The following SCG5 variants were observed in gnomAD, a reference collection of about 807,000 sequenced individuals.
SCG5 encodes the protein secretogranin V.
In SCG5, 18 loss-of-function variants were observed where a neutral mutation model predicts 25.7. The ratio of observed to expected loss-of-function variants is 0.70; its 90% CI spans 0.48 to 1.04. The LOEUF is 1.04. Ranked by LOEUF, SCG5 falls within the 50% of genes least tolerant of loss-of-function variation. The probability of loss-of-function intolerance (pLI) is 0.00; values close to 1 mark genes in which losing one functional copy is unlikely to be tolerated. For missense variants in SCG5, 206 were observed against 259.8 expected, an observed-to-expected ratio of 0.79 and a Z score of 1.42; for synonymous variants, 101 against 91.7, an observed-to-expected ratio of 1.10 and a Z score of -0.58.
chr15:32,666,863 G>A (rs1386266916), intron 2 of SCG5, among the ~76,000 whole-genome samples: 1 of 152,180 alleles, frequency 6.6e-6, no homozygotes, highest in Non-Finnish European at 1.5e-5. Flanking sequence ...TGGATTGCAG[G>A]CTGCACTTTT....
chr15:32,658,914 T>C (rs1389091899), intron 2 of SCG5, among the ~76,000 whole-genome samples: 1 of 152,166 alleles, frequency 6.6e-6, no homozygotes, highest in Non-Finnish European at 1.5e-5. Context: ...TGGTGGCTTA[T>C]GCCCGTAATC....
chr15:32,659,264 C>T (rs1052979089), intron 2 of SCG5, among the ~76,000 whole-genome samples: 3 of 152,128 alleles, frequency 2.0e-5, no homozygotes, highest in Non-Finnish European at 2.9e-5. Context: ...CAGCATGTGC[C>T]GGATCATCTG....
At position 32,696,884 on chromosome 15, in the gene SCG5, A is replaced by G. The variant is rs1318818499; in HGVS notation, c.*275A>G. On this transcript the variant is annotated 3_prime_UTR_variant, in exon 6 of 6. Transcript: ENST00000300175. ...GTGAATGTCAACAATAAAAAGCAAGACTATGAAAGGCTCAGATTTCTTGCA... is the reference window on the plus strand; with the variant it reads ...GTGAATGTCAACAATAAAAAGCAAGGCTATGAAAGGCTCAGATTTCTTGCA... 2 of 312,430 alleles carry G rather than the reference A, an allele frequency of 6.4e-6. No homozygotes were observed. The highest frequency in any genetic ancestry group is 1.2e-5 in the Non-Finnish European group (2 of 167,184). 19.4% of individuals were successfully genotyped at this position (312,430 alleles called of 1,614,324 possible).
Position 32,696,728 on chromosome 15 carries a change from CA to C in SCG5, c.*122del. The C allele has an allele frequency of 1.5e-6, 1 of 660,506 alleles. No individual in the cohort carries two copies. The highest frequency in any genetic ancestry group is 2.7e-6 in the Non-Finnish European group (1 of 364,242). The allele number at this position is 660,506 out of a possible 1,614,324, so 40.9% of individuals were successfully genotyped here. A position where few individuals can be genotyped will look rare whatever the true frequency, so the allele number is the denominator to read the frequency against. On this transcript the variant is annotated 3_prime_UTR_variant, in exon 6 of 6. Coordinates refer to ENST00000300175, the MANE Select transcript of SCG5 (RefSeq NM_001144757.3). Reference sequence around the variant, plus strand: ...TTTCTTACATAGATAATTATGGATACAAAGCAGCTGTATGTAGATAGTGTAT... The same window carrying C: ...TTTCTTACATAGATAATTATGGATACAAGCAGCTGTATGTAGATAGTGTAT...
At chr15:32,659,737 T>A (rs1466512221) in intron 2 of SCG5, among the ~76,000 whole-genome samples, 1 of 152,118 alleles carries the variant, frequency 6.6e-6, no homozygotes, top group Non-Finnish European at 1.5e-5. Flanking sequence ...TTGGACAAGA[T>A]GTGAGTGACT....
Position 32,691,763 on chromosome 15 carries a change from G to A in SCG5, c.543G>A (p.Arg181=). The A allele has an allele frequency of 6.2e-7, 1 of 1,612,480 alleles. No individual in the cohort carries two copies. The highest frequency in any genetic ancestry group is 8.5e-7 in the Non-Finnish European group (1 of 1,179,334). ...KMKGGERRKR[R]SVNPYLQGQR... ...AGGGAGGAGAGAGACGAAAGCGGAG[G>A]GTAACACGTGCCTGGCTGGATTGTT... Residue 181 remains arginine (R), a splice_region_variant and synonymous_variant, in exon 5 of 6, where the codon AGG becomes AGA. Coordinates refer to ENST00000300175, the MANE Select transcript of SCG5 (RefSeq NM_001144757.3).
At chr15:32,642,905 A>C (rs1408720713) in intron 1 of SCG5, among the ~76,000 whole-genome samples, 1 of 152,124 alleles carries the variant, frequency 6.6e-6, no homozygotes, top group Non-Finnish European at 1.5e-5. Flanking sequence ...ACAACCCTAA[A>C]AGGTAAATGC....
chr15:32,676,734 A>G (rs994682190), intron 2 of SCG5, among the ~76,000 whole-genome samples: 3 of 152,258 alleles, frequency 2.0e-5, no homozygotes, highest in African/African-American at 7.2e-5. Context: ...TTAAACACAA[A>G]TCAACAGAGT....
intron 2 of SCG5, among the ~76,000 whole-genome samples, chr15:32,660,713 AC>A (rs1363901173): frequency 1.3e-5 from 2 of 152,202 alleles, no homozygotes; most frequent in African/African-American, 4.8e-5. Flanking sequence ...AGCCCTTCTG[AC>A]TGCAGGGCAG....
chr15:32,655,146 A>G (rs2140512750), intron 2 of SCG5, among the ~76,000 whole-genome samples: 1 of 152,248 alleles, frequency 6.6e-6, no homozygotes, highest in South Asian at 2.1e-4. Flanking sequence ...GTCTCTACTA[A>G]CAATACAAAA....
chr15:32,687,177 T>G (rs1227773371), intron 4 of SCG5, among the ~76,000 whole-genome samples: 2 of 152,200 alleles, frequency 1.3e-5, no homozygotes, highest in Non-Finnish European at 2.9e-5. Flanking sequence ...TCTTCATCTC[T>G]TCTTGAAAAT....
chr15:32,667,683 T>TA (rs377718128), intron 2 of SCG5, among the ~76,000 whole-genome samples: 218 of 151,558 alleles, frequency 1.4e-3, no homozygotes, highest in African/African-American at 4.7e-3. Flanking sequence ...TATTCTTTTT[T>TA]TTTTTTTGAG....
intron 4 of SCG5, among the ~76,000 whole-genome samples, chr15:32,690,818 T>C (rs1399951132): frequency 1.3e-5 from 2 of 151,876 alleles, no homozygotes; most frequent in Non-Finnish European, 2.9e-5. Context: ...TTTTTTTTTT[T>C]CTTAATGTCA....
intron 3 of SCG5, among the ~76,000 whole-genome samples, chr15:32,684,251 C>T (rs1305991276): frequency 6.6e-6 from 1 of 152,148 alleles, no homozygotes; most frequent in East Asian, 1.9e-4. Flanking sequence ...TTCTGTTGGC[C>T]TCCACTCAGG....
intron 2 of SCG5, among the ~76,000 whole-genome samples, chr15:32,647,263 A>G (rs538196947): frequency 7.2e-5 from 11 of 152,330 alleles, no homozygotes; most frequent in African/African-American, 1.7e-4. Flanking sequence ...CATCATCATC[A>G]TCACTTTAGA....
At chr15:32,652,843 G>A (rs554852339) in intron 2 of SCG5, among the ~76,000 whole-genome samples, 1 of 151,988 alleles carries the variant, frequency 6.6e-6, no homozygotes, top group Non-Finnish European at 1.5e-5. Flanking sequence ...ATAACTATTA[G>A]TTATTTACTA....
In SCG5 at chr15:32,658,959, G is replaced by A. The variant is rs1319543213; in HGVS notation, c.226+15141G>A. 3.9e-5 allele frequency among the ~76,000 whole-genome samples: 6 copies of A among 152,124 alleles called. No individual in the cohort carries two copies. The East Asian group carries it at 7.7e-4, about 20-fold the overall frequency. On this transcript the variant is annotated intron_variant, in intron 2 of 5. Transcript: ENST00000300175. Reference sequence around the variant, plus strand: ...TGGGAGGCCGAGGCGGGTGGATCCCGAGGTCAGGAGATTGAGACCATCCTG... The same window carrying A: ...TGGGAGGCCGAGGCGGGTGGATCCCAAGGTCAGGAGATTGAGACCATCCTG...
At chr15:32,693,602 CTA>C (rs1344682614) in intron 5 of SCG5, among the ~76,000 whole-genome samples, 3 of 152,306 alleles carry the variant, frequency 2.0e-5, no homozygotes, top group African/African-American at 7.2e-5. Context: ...TATAAAGAAA[CTA>C]TACGCTTTCT....
Position 32,663,032 on chromosome 15 carries a change from AATATATATATATATATATATATATAT to A in SCG5, c.227-16712_227-16687del, listed in dbSNP as rs67571496. ...AAGATTAGGGCTGTTAAAAAAAAAGAATATATATATATATATATATATATATATATATATATATATATATATAATAT... is the reference window on the plus strand; with the variant it reads ...AAGATTAGGGCTGTTAAAAAAAAAGAATATATATATATATATATATAATAT... On this transcript the variant is annotated intron_variant, in intron 2 of 5. Coordinates refer to ENST00000300175, the MANE Select transcript of SCG5 (RefSeq NM_001144757.3). Among the ~76,000 whole-genome samples, 29 of 79,294 alleles carry A rather than the reference AATATATATATATATATATATATATAT, an allele frequency of 3.7e-4. 2 individuals carry two copies. Among genetic ancestry groups the A allele is most frequent in the African/African-American group, 7.7e-4 (19 of 24,802 alleles). 52.0% of individuals were successfully genotyped at this position (79,294 alleles called of 152,430 possible).
Sources: allele counts gnomAD v4.1 joint callset (sites outside exome capture counted in the v4.1 genomes callset), GRCh38; gene constraint gnomAD v4.1.1; transcripts MANE v1.5; gene names NCBI Gene and HGNC (gene_info 2026-07-23, HGNC 2026-07-21).